The following SYNPO2L variants were observed in gnomAD, a reference collection of about 807,000 sequenced individuals.
The protein encoded by SYNPO2L is synaptopodin 2-like protein.
SYNPO2L carries 34 observed loss-of-function variants against 47.5 expected under a neutral mutation model. The ratio of observed to expected loss-of-function variants is 0.72; its 90% CI spans 0.54 to 0.95. The LOEUF (loss-of-function observed/expected upper bound fraction) is 0.95. SYNPO2L is among the 40% of genes least tolerant of loss of function. SYNPO2L has a pLI of 0.00. For synonymous variants in SYNPO2L, 536 were observed against 524.9 expected (o/e 1.02, Z -0.29); for missense variants, 1,246 against 1,282.0 (o/e 0.97, Z 0.43).
intron 1 of SYNPO2L, among the ~76,000 whole-genome samples, chr10:73,655,578 C>A (rs549541288): frequency 6.6e-6 from 1 of 152,192 alleles, no homozygotes; most frequent in South Asian, 2.1e-4. Context: ...GAAGCAGAGC[C>A]TTTCCTTTTC....
chr10:73,650,184 C>T (rs1303298674), intron 3 of SYNPO2L: 1 of 985,340 alleles, frequency 1.0e-6, no homozygotes, highest in Non-Finnish European at 1.2e-6. Context: ...ATTGAGATTC[C>T]ATCTACTTTC....
In SYNPO2L at chr10:73,651,076, T is replaced by C. The variant is rs146122875; in HGVS notation, c.772+2063A>G. ...ACCCCCCACGCCTTTTAAAGCCCCT[T>C]TGTCTTGTCCCCAGAGCTGGCAGCT... On this transcript the variant is annotated intron_variant, in intron 3 of 3. Coordinates refer to ENST00000394810, the MANE Select transcript of SYNPO2L (RefSeq NM_001114133.3). The C allele has an allele frequency of 2.6e-4, 391 of 1,525,156 alleles. 2 individuals carry two copies. In the East Asian group the frequency reaches 9.3e-3, roughly 36 times the overall value. The allele number at this position is 1,525,156 out of a possible 1,614,324, so 94.5% of individuals were successfully genotyped here.
Position 73,647,394 on chromosome 10 carries a change from C to T in SYNPO2L, c.2258G>A (p.Arg753Lys). Residue 753 changes from arginine (R) to lysine (K), a missense_variant, in exon 4 of 4, where the codon AGG (arginine) becomes AAG (lysine). Transcript: ENST00000394810. ...ASSAGIPEPP[R>K]LQGRGGELFA... ...CAGCTCCCCACCCCTGCCCTGCAGC[C>T]TTGGTGGCTCAGGGATTCCAGCCGA... The T allele has an allele frequency of 6.2e-7, 1 of 1,613,678 alleles. No individual in the cohort carries two copies. The highest frequency in any genetic ancestry group is 8.5e-7 in the Non-Finnish European group (1 of 1,179,732).
intron 3 of SYNPO2L, chr10:73,649,722 G>T: frequency 1.0e-6 from 1 of 985,356 alleles, no homozygotes; most frequent in Non-Finnish European, 1.2e-6. Context: ...CAGAGACCCT[G>T]TTACTAACAG....
In SYNPO2L at chr10:73,647,459, A is replaced by G; in HGVS notation, c.2193T>C (p.Ser731=). ...TCACGAGCCCATCAAGGAGCCCTCG[A>G]GATGGGGGCTTAGGAGCCACTGGGG... ...TPPPVAPKPP[S]RGLLDGLVNG... is the part of the protein sequence containing the mutation. The change falls in exon 4 of 4, where the codon TCT becomes TCC. Residue 731 remains serine (S), a synonymous_variant. Coordinates refer to ENST00000394810, the MANE Select transcript of SYNPO2L (RefSeq NM_001114133.3). 1 of 1,600,962 alleles carries G rather than the reference A, an allele frequency of 6.2e-7. No individual in the cohort carries two copies. The highest frequency in any genetic ancestry group is 8.5e-7 in the Non-Finnish European group (1 of 1,171,796).
At position 73,648,149 on chromosome 10, in the gene SYNPO2L, GC is replaced by G; in HGVS notation, c.1502del (p.Gly501AlafsTer44). The G allele has an allele frequency of 5.2e-6, 8 of 1,543,950 alleles. No individual in the cohort carries two copies. Among genetic ancestry groups the G allele is most frequent in the Non-Finnish European group, 4.4e-6 (5 of 1,146,488 alleles). Reference sequence around the variant, plus strand: ...AGAAGGGGGGTGGGGCGGGGCTGAGGCCCCCCAGGCTGTCGTTCGCCCTTTT... The same window carrying G: ...AGAAGGGGGGTGGGGCGGGGCTGAGGCCCCCAGGCTGTCGTTCGCCCTTTT... ...APKRANDSLG[G>X]LSPAPPPFLS... On this transcript the variant is annotated frameshift_variant, in exon 4 of 4. Coordinates refer to ENST00000394810, the MANE Select transcript of SYNPO2L (RefSeq NM_001114133.3). LOFTEE classifies it low-confidence loss of function (END_TRUNC).
At chr10:73,648,937 TTCCCC>T in intron 3 of SYNPO2L, 58 bp from the exon 4 acceptor site, 1 of 1,436,212 alleles carries the variant, frequency 7.0e-7, no homozygotes, top group African/African-American at 1.4e-5. Context: ...TTTAGTCCTG[TTCCCC>T]AAGGCTTTCA....
Position 73,645,478 on chromosome 10 carries a change from T to C in SYNPO2L, c.*1240A>G. The C allele has an allele frequency of 1.0e-6, 1 of 990,576 alleles. No individual in the cohort carries two copies. Among genetic ancestry groups the C allele is most frequent in the Non-Finnish European group, 1.2e-6 (1 of 833,758 alleles). 61.4% of individuals were successfully genotyped at this position (990,576 alleles called of 1,614,324 possible). A position where few individuals can be genotyped will look rare whatever the true frequency, so the allele number is the denominator to read the frequency against. On this transcript the variant is annotated 3_prime_UTR_variant, in exon 4 of 4. Coordinates refer to ENST00000394810, the MANE Select transcript of SYNPO2L (RefSeq NM_001114133.3). ...CCTTTCTCTCAAGCTCATGAGGCAA[T>C]GAAGCCAATGATTTGTTCATTCTCG...
chr10:73,652,770 C>T (rs2081851466), intron 3 of SYNPO2L, among the ~76,000 whole-genome samples: 1 of 152,126 alleles, frequency 6.6e-6, no homozygotes, highest in Non-Finnish European at 1.5e-5. Context: ...GCCACCTTGC[C>T]CCGCCTTCAA....
chr10:73,649,603 T>C (rs1026686837), intron 3 of SYNPO2L: 6 of 553,198 alleles, frequency 1.1e-5, no homozygotes, highest in Non-Finnish European at 1.4e-5. Flanking sequence ...ACAGCTCCAT[T>C]CACATACACT....
chr10:73,654,064 C>T, intron 2 of SYNPO2L, 65 bp downstream of exon 2: 1 of 1,525,198 alleles, frequency 6.6e-7, no homozygotes, highest in East Asian at 2.5e-5. Flanking sequence ...GCCAGTGAGA[C>T]ATAGAGCTGA....
At position 73,653,325 on chromosome 10, in the gene SYNPO2L, C is replaced by T. The variant is rs1249109110; in HGVS notation, c.586G>A (p.Asp196Asn). The T allele has an allele frequency of 1.9e-6, 3 of 1,551,474 alleles. No individual in the cohort carries two copies. The South Asian group carries it at 3.6e-5, about 18-fold the overall frequency. The change falls in exon 3 of 4, where the codon GAC (aspartate) becomes AAC (asparagine). Residue 196 changes from aspartate (D) to asparagine (N), a missense_variant. Asp to Asn is a conservative substitution (Grantham distance 23). Around this residue, in one of 3 missense-constraint regions of SYNPO2L, gnomAD observed 148 missense variants for 204.8 expected, o/e 0.72. Coordinates refer to ENST00000394810, the MANE Select transcript of SYNPO2L (RefSeq NM_001114133.3). ...CAAGACGGGGAGCTCACACGGCTGTCACCCTGGCTGGGAGGGCCAGGGATA... is the reference window on the plus strand; with the variant it reads ...CAAGACGGGGAGCTCACACGGCTGTTACCCTGGCTGGGAGGGCCAGGGATA... ...PTIPGPPSQG[D>N]SRVSSPSWED...
rs770923846 is a variant in SYNPO2L at position 73,647,262 on chromosome 10, G to C, written c.2390C>G (p.Pro797Arg). ...GATGTTGGGTGAATATTTCCAGGAA[G>C]GGGGCAGAGACGGGGTAGGAGAAGG... ...RSPSPTPSLP[P>R]SWKYSPNIRA... The change falls in exon 4 of 4, where the codon CCT becomes CGT. Residue 797 changes from proline (P) to arginine (R), a missense_variant. Around this residue, in one of 3 missense-constraint regions of SYNPO2L, gnomAD observed 1,037 missense variants for 1,021.5 expected, o/e 1.02. Coordinates refer to ENST00000394810, the MANE Select transcript of SYNPO2L (RefSeq NM_001114133.3). The C allele has an allele frequency of 1.9e-6, 3 of 1,613,964 alleles. No homozygotes were observed. The highest frequency in any genetic ancestry group is 2.2e-5 in the South Asian group (2 of 91,086).
In SYNPO2L at chr10:73,647,278, TAGG is replaced by T. The variant is rs1448418150; in HGVS notation, c.2371_2373del (p.Pro791del). The T allele has an allele frequency of 1.2e-6, 2 of 1,613,518 alleles. No homozygotes were observed. Among genetic ancestry groups the T allele is most frequent in the East Asian group, 4.5e-5 (2 of 44,820 alleles). ...TTCCAGGAAGGGGGCAGAGACGGGG[TAGG>T]AGAAGGACTTCTAGGCCGAGGGCCA... is the stretch of plus-strand genomic sequence containing the variant. On this transcript the variant is annotated inframe_deletion, in exon 4 of 4. Coordinates refer to ENST00000394810, the MANE Select transcript of SYNPO2L (RefSeq NM_001114133.3).
intron 3 of SYNPO2L, chr10:73,649,984 G>C (rs2081826537): frequency 1.0e-6 from 1 of 985,284 alleles, no homozygotes; most frequent in South Asian, 4.7e-5. Flanking sequence ...TCTACGTAGA[G>C]AGCTCAGGCA....
chr10:73,653,044 G>C, intron 3 of SYNPO2L, 95 bp downstream of exon 3: 1 of 1,367,578 alleles, frequency 7.3e-7, no homozygotes, highest in Non-Finnish European at 9.6e-7. Context: ...TGTATCCAAG[G>C]GTCCCAAGGT....
rs910420985 is a variant in SYNPO2L at position 73,646,123 on chromosome 10, C to T, written c.*595G>A. 7.1e-6 allele frequency: 7 copies of T among 985,838 alleles called. No individual in the cohort carries two copies. The highest frequency in any genetic ancestry group is 5.2e-4 in the Middle Eastern group (1 of 1,936). The allele number at this position is 985,838 out of a possible 1,614,324, so 61.1% of individuals were successfully genotyped here. A position where few individuals can be genotyped will look rare whatever the true frequency, so the allele number is the denominator to read the frequency against. ...ACCGGCGTGAGCCACCGTGCCCGGCCTCAGATTGGGTCTTTATTTTGACCT... is the reference window on the plus strand; with the variant it reads ...ACCGGCGTGAGCCACCGTGCCCGGCTTCAGATTGGGTCTTTATTTTGACCT... On this transcript the variant is annotated 3_prime_UTR_variant, in exon 4 of 4. Transcript: ENST00000394810.
At position 73,653,398 on chromosome 10, in the gene SYNPO2L, T is replaced by TG. The variant is rs1315307424; in HGVS notation, c.512dup (p.Pro172ThrfsTer2). ...TGTCAGACAGGTAGACCTCATCAGG[T>TG]GGGGCACCCGGAGGGGTGGGCCTTG... On this transcript the variant is annotated frameshift_variant, in exon 3 of 4. Coordinates refer to ENST00000394810, the MANE Select transcript of SYNPO2L (RefSeq NM_001114133.3). LOFTEE classifies it high-confidence loss of function. 5 of 1,551,262 alleles carry TG rather than the reference T, an allele frequency of 3.2e-6. No homozygotes were observed. In the South Asian group the frequency reaches 3.6e-5, roughly 11 times the overall value.
chr10:73,649,780 G>C, intron 3 of SYNPO2L: 1 of 985,360 alleles, frequency 1.0e-6, no homozygotes, highest in African/African-American at 1.7e-5. Context: ...TGCCAGGGCA[G>C]TCCTCTGGGC....
Sources: gnomAD v4.1 joint callset for allele counts (sites outside exome capture counted in the v4.1 genomes callset) on GRCh38, gnomAD v4.1.1 for gene constraint, gnomAD v4.1.1 regional missense constraint, MANE v1.5 for transcripts, NCBI Gene and HGNC (gene_info 2026-07-23, HGNC 2026-07-21) for gene names.